FRG1: variants seen among roughly 807,000 people sequenced by gnomAD.
The protein encoded by FRG1 is FSHD region gene 1.
In FRG1, 19 loss-of-function variants were observed where a neutral mutation model predicts 37.0. That is an observed-to-expected ratio of 0.51 (90% confidence interval 0.36 to 0.75). FRG1 has a LOEUF of 0.75. Among genes scored for constraint, FRG1 ranks in the 30% least tolerant of loss-of-function variants. The pLI is 0.00. For synonymous variants in FRG1, 73 were observed against 96.5 expected (o/e 0.76, Z 1.43); for missense variants, 243 against 301.4 (o/e 0.81, Z 1.44).
At chr4:189,945,849 A>G (rs1177846579) in intron 2 of FRG1, among the ~76,000 whole-genome samples, 1 of 152,076 alleles carries the variant, frequency 6.6e-6, no homozygotes, top group Non-Finnish European at 1.5e-5. Context: ...TGTTCTTTAC[A>G]TGTTTGATAG....
chr4:189,944,613 CT>C (rs70947946), intron 2 of FRG1, among the ~76,000 whole-genome samples: 43,806 of 148,924 alleles, frequency 0.29, 6,437 homozygotes, highest in Middle Eastern at 0.44. Context: ...TCAAGATTTA[CT>C]TTTTTTTTTT....
intron 2 of FRG1, among the ~76,000 whole-genome samples, chr4:189,949,686 G>A (rs1167083184): frequency 6.6e-6 from 1 of 152,106 alleles, no homozygotes; most frequent in Non-Finnish European, 1.5e-5. Flanking sequence ...TTATAAGAAA[G>A]ACTTGCTAAT....
chr4:189,961,740 A>C (rs757055455), intron 7 of FRG1, 82 bp from the exon 8 acceptor site: 1 of 648,704 alleles, frequency 1.5e-6, no homozygotes, highest in African/African-American at 1.9e-5. Flanking sequence ...TGAAAAAGAA[A>C]TTAACAGTAT....
At position 189,952,250 on chromosome 4, in the gene FRG1, C is replaced by T. The variant is rs17425194; in HGVS notation, c.222C>T (p.Asp74=). Residue 74 remains aspartate (D), a synonymous_variant, in exon 3 of 9, where the codon GAC becomes GAT. Coordinates refer to ENST00000226798, the MANE Select transcript of FRG1 (RefSeq NM_004477.3). ...MDKGTYIHAL[D]NGLFTLGAPH... ...AGGGAACCTATATACATGCACTCGA[C>T]AATGGTCTTTTTACCCTGGGAGCTC... is the stretch of plus-strand genomic sequence containing the variant. 3 of 1,610,774 alleles carry T rather than the reference C, an allele frequency of 1.9e-6. No homozygotes were observed. Among genetic ancestry groups the T allele is most frequent in the Non-Finnish European group, 2.5e-6 (3 of 1,179,032 alleles).
chr4:189,946,228 C>T (rs1240459538), intron 2 of FRG1, among the ~76,000 whole-genome samples: 1 of 149,530 alleles, frequency 6.7e-6, no homozygotes, highest in African/African-American at 2.5e-5. Context: ...TGTATTCAAT[C>T]TTTTAGCTTC....
intron 2 of FRG1, among the ~76,000 whole-genome samples, chr4:189,947,738 C>T (rs983623974): frequency 3.3e-5 from 5 of 152,214 alleles, no homozygotes; most frequent in South Asian, 2.1e-4. Flanking sequence ...AGAACTTTTG[C>T]GTACTCTTTT....
chr4:189,957,964 C>A (rs562867648), intron 6 of FRG1, among the ~76,000 whole-genome samples: 2 of 152,026 alleles, frequency 1.3e-5, no homozygotes, highest in African/African-American at 4.8e-5. Flanking sequence ...CCTAAAATTT[C>A]TTTATAAACA....
intron 1 of FRG1, 65 bp from the exon 2 acceptor site, chr4:189,943,137 A>G (rs920709059): frequency 1.8e-5 from 27 of 1,460,350 alleles, no homozygotes; most frequent in Admixed American, 1.3e-4. Context: ...TCAAGTTTCA[A>G]TCTTACAATA....
chr4:189,946,921 C>T (rs1356109276), intron 2 of FRG1, among the ~76,000 whole-genome samples: 2 of 152,052 alleles, frequency 1.3e-5, no homozygotes, highest in South Asian at 2.1e-4. Flanking sequence ...GGTGCAATCT[C>T]GGCTCACTGC....
intron 4 of FRG1, among the ~76,000 whole-genome samples, chr4:189,954,738 G>A (rs963109566): frequency 4.0e-5 from 6 of 151,786 alleles, no homozygotes; most frequent in African/African-American, 9.7e-5. Context: ...GGTATCACAT[G>A]TGCATGCCGC....
intron 2 of FRG1, among the ~76,000 whole-genome samples, chr4:189,948,254 T>G (rs200498589): frequency 6.6e-6 from 1 of 152,208 alleles, no homozygotes; most frequent in Admixed American, 6.5e-5. Context: ...GATTGGTAAA[T>G]AGGATGAAAG....
chr4:189,950,725 TC>T (rs1266297271), intron 2 of FRG1, among the ~76,000 whole-genome samples: 1 of 152,002 alleles, frequency 6.6e-6, no homozygotes, highest in African/African-American at 2.4e-5. Context: ...ATATAATGAG[TC>T]CCCCATGTGC....
At chr4:189,941,451 A>G (rs1179251083) in intron 1 of FRG1, among the ~76,000 whole-genome samples, 1 of 152,108 alleles carries the variant, frequency 6.6e-6, no homozygotes, top group African/African-American at 2.4e-5. Context: ...CTTTCTAGAA[A>G]ACTTATTAAT....
In FRG1 at chr4:189,943,191, A is replaced by G. The variant is rs766603572; in HGVS notation, c.63-11A>G. 5 of 1,568,232 alleles carry G rather than the reference A, an allele frequency of 3.2e-6. No homozygotes were observed. Among genetic ancestry groups the G allele is most frequent in the Admixed American group, 3.6e-5 (2 of 55,950 alleles). ...ATACCTAAACTCGTCTATATAAATT[A>G]TGTCCTGTAGTAAGAAGAAAAAGAG... On this transcript the variant is annotated splice_polypyrimidine_tract_variant and intron_variant, in intron 1 of 8. Transcript: ENST00000226798.
In FRG1 at chr4:189,953,854, G is replaced by A. The variant is rs570984190; in HGVS notation, c.317+729G>A. Among the ~76,000 whole-genome samples the A allele has an allele frequency of 9.5e-5, 13 of 136,420 alleles. 1 individual carries two copies. In the East Asian group the frequency reaches 1.5e-3, roughly 15 times the overall value. 89.5% of individuals were successfully genotyped at this position (136,420 alleles called of 152,430 possible). On this transcript the variant is annotated intron_variant, in intron 4 of 8. Transcript: ENST00000226798. ...GAAAGACAGAATAAAAGCAGAGGAA[G>A]AAAAAATTCAATAGTTTTAAACTGC...
chr4:189,954,806 G>A (rs1488967600), intron 4 of FRG1, among the ~76,000 whole-genome samples: 3 of 151,960 alleles, frequency 2.0e-5, no homozygotes, highest in Non-Finnish European at 4.4e-5. Context: ...GTGTTGTCCA[G>A]GCTGATCTTG....
intron 1 of FRG1, among the ~76,000 whole-genome samples, 166 bp downstream of exon 1, chr4:189,941,237 T>C (rs72722542): frequency 6.6e-6 from 1 of 151,912 alleles, no homozygotes; most frequent in Non-Finnish European, 1.5e-5. Flanking sequence ...GTTCCCGGCG[T>C]CTGTGCAGAG....
In FRG1 at chr4:189,961,915, T is replaced by G; in HGVS notation, c.723T>G (p.His241Gln). ...LKKARKDGFL[H>Q]ETLLDRRAKL... is the part of the protein sequence containing the mutation. ...AGGCTCGGAAAGATGGATTTTTGCA[T>G]GAGACGCTTCTGGACAGGTAGCTAT... Residue 241 changes from histidine (H) to glutamine (Q), a missense_variant, in exon 8 of 9, where the codon CAT (histidine) becomes CAG (glutamine). Coordinates refer to ENST00000226798, the MANE Select transcript of FRG1 (RefSeq NM_004477.3). 2 of 1,573,530 alleles carry G rather than the reference T, an allele frequency of 1.3e-6. No homozygotes were observed. Among genetic ancestry groups the G allele is most frequent in the Non-Finnish European group, 1.7e-6 (2 of 1,152,300 alleles).
At chr4:189,952,452 A>G (rs1203129662) in intron 3 of FRG1, among the ~76,000 whole-genome samples, 165 bp downstream of exon 3, 1 of 152,248 alleles carries the variant, frequency 6.6e-6, no homozygotes, top group Non-Finnish European at 1.5e-5. Flanking sequence ...GCCATTGGCA[A>G]GTCCCTCTTT....
Sources: gnomAD v4.1 joint callset for allele counts (sites outside exome capture counted in the v4.1 genomes callset) on GRCh38, gnomAD v4.1.1 for gene constraint, MANE v1.5 for transcripts, NCBI Gene and HGNC (gene_info 2026-07-23, HGNC 2026-07-21) for gene names.